Variants in INPP5D observed in about 807,000 individuals in gnomAD.
INPP5D encodes inositol polyphosphate-5-phosphatase D.
In INPP5D, 33 loss-of-function variants were observed where a neutral mutation model predicts 122.9. The ratio of observed to expected loss-of-function variants is 0.27; its 90% CI spans 0.20 to 0.36. The LOEUF is 0.36. Among genes scored for constraint, INPP5D ranks in the 10% least tolerant of loss-of-function variants. INPP5D has a pLI of 1.00. For missense variants in INPP5D, 1,053 were observed against 1,412.7 expected (o/e 0.75, Z 4.08); for synonymous variants, 584 against 576.2 (o/e 1.01, Z -0.19).
rs560177035 is a variant in INPP5D, at chr2:233,164,439, G to T, written c.1555+15G>T. 5.1e-5 allele frequency: 79 copies of T among 1,538,012 alleles called. No homozygotes were observed. The highest frequency in any genetic ancestry group is 6.2e-5 in the Non-Finnish European group (71 of 1,137,900). On this transcript the variant is annotated intron_variant, in intron 13 of 26. Coordinates refer to ENST00000445964, the MANE Select transcript of INPP5D (RefSeq NM_001017915.3). The surrounding 1 kb of genome is among the most constrained non-coding windows in gnomAD (Gnocchi z 4.3). The stretch of plus-strand genomic sequence containing the variant: ...AAACACACTGGGTGAGCAGGGCGGG[G>T]ACCCTGTGTTCCTCCCACACCCTCT...
rs1228242517 is a variant in INPP5D, at chr2:233,204,426, C to T, written c.3276C>T (p.Ala1092=). ...GCTCCTTCACGTGCTCATCCTCTGC[C>T]GAGGGCAGGGCGGCCGGCGGGGACA... ...RLRSFTCSSS[A]EGRAAGGDKS... Residue 1092 remains alanine (A), a synonymous_variant, in exon 26 of 27, where the codon GCC becomes GCT. Coordinates refer to ENST00000445964, the MANE Select transcript of INPP5D (RefSeq NM_001017915.3). The T allele has an allele frequency of 2.5e-6, 4 of 1,607,944 alleles. No homozygotes were observed. The highest frequency in any genetic ancestry group is 2.5e-6 in the Non-Finnish European group (3 of 1,177,852).
intron 5 of INPP5D, among the ~76,000 whole-genome samples, chr2:233,134,354 T>C (rs2106267496): frequency 6.6e-6 from 1 of 150,674 alleles, no homozygotes; most frequent in East Asian, 2.0e-4. Context: ...GGTGAGAGTG[T>C]AGACAGAGGA....
At chr2:233,114,575 C>T (rs1394036790) in intron 2 of INPP5D, among the ~76,000 whole-genome samples, 2 of 152,312 alleles carry the variant, frequency 1.3e-5, no homozygotes, top group South Asian at 2.1e-4. Context: ...CACCGTCAGA[C>T]TCCACACTGA....
Position 233,197,936 on chromosome 2 carries a change from G to A in INPP5D, c.2694-159G>A, listed in dbSNP as rs1330017395. On this transcript the variant is annotated intron_variant, in intron 24 of 26. Transcript: ENST00000445964. This position sits in a 1 kb window ranked among gnomAD's most constrained non-coding sequence, Gnocchi z 4.4. ...GCCCTCAGTAATCACGGTGTTGCAT[G>A]GATAGATGAATGAATGAATGGATCA... 2.0e-5 allele frequency among the ~76,000 whole-genome samples: 3 copies of A among 152,188 alleles called. No homozygotes were observed. Among genetic ancestry groups the A allele is most frequent in the East Asian group, 3.9e-4 (2 of 5,194 alleles).
At chr2:233,126,448 C>A (rs1031745808) in intron 4 of INPP5D, among the ~76,000 whole-genome samples, 4 of 152,182 alleles carry the variant, frequency 2.6e-5, no homozygotes, top group Non-Finnish European at 5.9e-5. Context: ...TGCTATGATA[C>A]TTGGCGTGTT....
intron 10 of INPP5D, 70 bp from the exon 11 acceptor site, chr2:233,161,654 A>C: frequency 2.0e-6 from 3 of 1,489,650 alleles, no homozygotes; most frequent in Non-Finnish European, 2.7e-6. Context: ...AAGCTGACCA[A>C]GTCCTTTGCA....
intron 2 of INPP5D, among the ~76,000 whole-genome samples, chr2:233,091,122 C>G (rs1250012902): frequency 6.6e-6 from 1 of 152,190 alleles, no homozygotes; most frequent in East Asian, 1.9e-4. Context: ...GGTCTTGGCA[C>G]CTGCCCTGCC....
At chr2:233,145,163 C>T in intron 6 of INPP5D, 1 of 453,796 alleles carries the variant, frequency 2.2e-6, no homozygotes, top group Non-Finnish European at 4.4e-6. Flanking sequence ...GCATGTCTAA[C>T]ATAGAATAGA....
At chr2:233,169,891 G>A in intron 14 of INPP5D, 135 bp from the exon 15 acceptor site, 4 of 1,511,760 alleles carry the variant, frequency 2.6e-6, no homozygotes, top group Admixed American at 1.8e-5. Context: ...GCTGCAGCAG[G>A]GCTGGAGGGC....
rs1692449481 is a variant in INPP5D, at chr2:233,105,758, G to C, written c.199-16349G>C. 6.6e-6 allele frequency among the ~76,000 whole-genome samples: 1 copy of C among 152,164 alleles called. No homozygotes were observed. The highest frequency in any genetic ancestry group is 2.4e-5 in the African/African-American group (1 of 41,428). ...GCGGATCTTGACGAGTAGCTTCGAG[G>C]ACAGGGGCCACAGGAGGACAGGCTG... On this transcript the variant is annotated intron_variant, in intron 2 of 26. Coordinates refer to ENST00000445964, the MANE Select transcript of INPP5D (RefSeq NM_001017915.3). This position sits in a 1 kb window ranked among gnomAD's most constrained non-coding sequence, Gnocchi z 4.0.
At chr2:233,065,307 G>GT (rs376982879) in intron 1 of INPP5D, among the ~76,000 whole-genome samples, 94,896 of 116,838 alleles carry the variant, frequency 0.81, 39,296 homozygotes, top group East Asian at 0.92. Context: ...CACTTCTTGG[G>GT]TTTTTTTTTT....
At position 233,170,349 on chromosome 2, in the gene INPP5D, A is replaced by T; in HGVS notation, c.1792-147A>T. On this transcript the variant is annotated intron_variant, in intron 15 of 26. Coordinates refer to ENST00000445964, the MANE Select transcript of INPP5D (RefSeq NM_001017915.3). This position sits in a 1 kb window ranked among gnomAD's most constrained non-coding sequence, Gnocchi z 4.5. Reference sequence around the variant, plus strand: ...CGCTCCTCACGGTTCCCCTGTGCTCACACCCGGTTCCCATAACTGTCACAG... The same window carrying T: ...CGCTCCTCACGGTTCCCCTGTGCTCTCACCCGGTTCCCATAACTGTCACAG... 6.7e-7 allele frequency: 1 copy of T among 1,487,860 alleles called. No individual in the cohort carries two copies. Among genetic ancestry groups the T allele is most frequent in the Non-Finnish European group, 9.0e-7 (1 of 1,108,532 alleles). 92.2% of individuals were successfully genotyped at this position (1,487,860 alleles called of 1,614,324 possible).
chr2:233,136,472 G>C (rs796471438), intron 5 of INPP5D, among the ~76,000 whole-genome samples: 1 of 78,634 alleles, frequency 1.3e-5, no homozygotes, highest in Non-Finnish European at 2.7e-5. Context: ...GAGCGAGACC[G>C]CGTTTAAAAA....
At chr2:233,137,406 A>G (rs1367484436) in intron 5 of INPP5D, among the ~76,000 whole-genome samples, 2 of 152,148 alleles carry the variant, frequency 1.3e-5, no homozygotes, top group Non-Finnish European at 2.9e-5. Context: ...GAATCAAAGT[A>G]AAACTAATTA....
chr2:233,137,045 G>A (rs1006534340), intron 5 of INPP5D, among the ~76,000 whole-genome samples: 2 of 152,120 alleles, frequency 1.3e-5, no homozygotes, highest in African/African-American at 2.4e-5. Flanking sequence ...ATTCCTGAAT[G>A]ACAAAAAAGT....
intron 1 of INPP5D, among the ~76,000 whole-genome samples, chr2:233,072,760 A>G (rs988235871): frequency 1.6e-4 from 24 of 152,244 alleles, no homozygotes; most frequent in African/African-American, 5.8e-4. Flanking sequence ...ACAATCATGC[A>G]TAGTTTTGTA....
At chr2:233,108,869 C>T (rs998987589) in intron 2 of INPP5D, among the ~76,000 whole-genome samples, 2 of 152,204 alleles carry the variant, frequency 1.3e-5, no homozygotes, top group Non-Finnish European at 2.9e-5. Context: ...GGCTCTGTGC[C>T]AGGCACTAAA....
chr2:233,086,247 C>T (rs1442285738), intron 2 of INPP5D, among the ~76,000 whole-genome samples: 2 of 150,604 alleles, frequency 1.3e-5, no homozygotes, highest in Non-Finnish European at 2.9e-5. Flanking sequence ...GGCATGATCT[C>T]GGCTCACCAC....
At chr2:233,152,714 G>A (rs1238817151) in intron 9 of INPP5D, among the ~76,000 whole-genome samples, 1 of 152,172 alleles carries the variant, frequency 6.6e-6, no homozygotes, top group Non-Finnish European at 1.5e-5. Flanking sequence ...CCCAAGGCAG[G>A]AACAAGTATG....
Sources: allele counts gnomAD v4.1 joint callset (sites outside exome capture counted in the v4.1 genomes callset), GRCh38; gene constraint gnomAD v4.1.1; non-coding constraint Gnocchi (gnomAD v3.1); transcripts MANE v1.5; gene names NCBI Gene and HGNC (gene_info 2026-07-23, HGNC 2026-07-21).